NCMAP: variants seen among roughly 807,000 people sequenced by gnomAD.
NCMAP encodes the protein non-compact myelin associated protein, also known as noncompact myelin-associated protein.
A neutral mutation model predicts 7.8 loss-of-function variants in NCMAP; 8 were observed. The observed-to-expected ratio is 1.02, with a 90% CI of 0.60 to 1.84. NCMAP has a LOEUF of 1.84. NCMAP is among the 40% of genes most tolerant of loss of function. The pLI is 0.00. For missense variants in NCMAP, 112 were observed against 131.4 expected (o/e 0.85, Z 0.72); for synonymous variants, 41 against 52.9 (o/e 0.78, Z 0.98).
intron 2 of NCMAP, among the ~76,000 whole-genome samples, chr1:24,595,991 A>C (rs1652212575): frequency 6.6e-6 from 1 of 152,048 alleles, no homozygotes; most frequent in Non-Finnish European, 1.5e-5. Context: ...GATTATTTTT[A>C]TTACTATTGG....
intron 1 of NCMAP, among the ~76,000 whole-genome samples, chr1:24,579,470 C>T (rs540064032): frequency 9.0e-4 from 137 of 152,196 alleles, no homozygotes; most frequent in Non-Finnish European, 1.8e-3. Context: ...GGTGGTGGCT[C>T]ATGTCTGTGA....
chr1:24,569,480 C>T (rs1161564744), intron 1 of NCMAP, among the ~76,000 whole-genome samples: 1 of 150,276 alleles, frequency 6.7e-6, no homozygotes, highest in African/African-American at 2.5e-5. Flanking sequence ...TGGCATTCTT[C>T]CCTTCCCACC....
intron 2 of NCMAP, among the ~76,000 whole-genome samples, chr1:24,599,173 T>C (rs1037047222): frequency 1.3e-5 from 2 of 148,314 alleles, no homozygotes; most frequent in Non-Finnish European, 3.0e-5. Context: ...CCAGCTACTC[T>C]GGAGACTGAG....
At chr1:24,596,720 A>G (rs1652241683) in intron 2 of NCMAP, among the ~76,000 whole-genome samples, 1 of 152,184 alleles carries the variant, frequency 6.6e-6, no homozygotes, top group African/African-American at 2.4e-5. Flanking sequence ...CGAAGTAGCT[A>G]TTTTTATACT....
chr1:24,603,364 A>T (rs4649003), intron 3 of NCMAP, among the ~76,000 whole-genome samples: 12 of 151,854 alleles, frequency 7.9e-5, no homozygotes, highest in African/African-American at 2.7e-4. Context: ...ACATTAAAAA[A>T]TTATTTAAAA....
chr1:24,562,668 C>T (rs1318569039), intron 1 of NCMAP, among the ~76,000 whole-genome samples: 1 of 152,224 alleles, frequency 6.6e-6, no homozygotes, highest in Non-Finnish European at 1.5e-5. Context: ...CTGCCTGTCA[C>T]TTTGGTGCAG....
chr1:24,565,746 C>T (rs575134631), intron 1 of NCMAP, among the ~76,000 whole-genome samples: 1 of 151,420 alleles, frequency 6.6e-6, no homozygotes, highest in African/African-American at 2.4e-5. Context: ...TACAGGTGCA[C>T]ACCATCATGC....
At chr1:24,557,958 C>A (rs1018213453) in intron 1 of NCMAP, among the ~76,000 whole-genome samples, 1 of 152,186 alleles carries the variant, frequency 6.6e-6, no homozygotes, top group South Asian at 2.1e-4. Context: ...CTCCGTAGCA[C>A]CATGTGGACT....
chr1:24,570,454 C>T (rs897222083), intron 1 of NCMAP, among the ~76,000 whole-genome samples: 1 of 150,746 alleles, frequency 6.6e-6, no homozygotes, highest in African/African-American at 2.5e-5. Flanking sequence ...GTGATTGTGC[C>T]ACTGCACTCC....
chr1:24,569,264 G>A (rs1651320208), intron 1 of NCMAP, among the ~76,000 whole-genome samples: 1 of 151,894 alleles, frequency 6.6e-6, no homozygotes, highest in Admixed American at 6.6e-5. Context: ...AAAGTGCTGG[G>A]ATTACAGGCA....
chr1:24,587,526 C>CT (rs768561596), intron 1 of NCMAP, among the ~76,000 whole-genome samples: 39 of 151,804 alleles, frequency 2.6e-4, no homozygotes, highest in Non-Finnish European at 4.7e-4. Flanking sequence ...CTTTTCTTTT[C>CT]TTTTTTTTAC....
intron 1 of NCMAP, among the ~76,000 whole-genome samples, chr1:24,593,147 C>T (rs1455491141): frequency 6.6e-6 from 1 of 151,358 alleles, no homozygotes; most frequent in Non-Finnish European, 1.5e-5. Context: ...CACTGCACTC[C>T]AGCCTGGGTG....
intron 1 of NCMAP, among the ~76,000 whole-genome samples, chr1:24,589,164 C>A (rs1176474991): frequency 6.6e-6 from 1 of 152,126 alleles, no homozygotes; most frequent in African/African-American, 2.4e-5. Context: ...ACATAAAGCA[C>A]CGAGTGCGGT....
chr1:24,582,146 G>A (rs1651765316), intron 1 of NCMAP, among the ~76,000 whole-genome samples: 3 of 152,050 alleles, frequency 2.0e-5, no homozygotes, highest in South Asian at 4.1e-4. Context: ...CTCCTGATTC[G>A]TTGCTCGTGC....
chr1:24,577,401 GTTTTTTTTTTTTTT>G (rs71577720), intron 1 of NCMAP, among the ~76,000 whole-genome samples: 4 of 39,956 alleles, frequency 1.0e-4, no homozygotes, highest in Non-Finnish European at 1.3e-4. Flanking sequence ...CACTGGCCTT[GTTTTTTTTTTTTTT>G]TTTTTTTTTT....
intron 1 of NCMAP, among the ~76,000 whole-genome samples, chr1:24,578,329 C>T (rs1276032672): frequency 6.6e-6 from 1 of 151,688 alleles, no homozygotes; most frequent in Non-Finnish European, 1.5e-5. Context: ...CTTTGCTGGC[C>T]CTCAGTCTCC....
chr1:24,563,697 A>C (rs1651128403), intron 1 of NCMAP: 1 of 152,296 alleles, frequency 6.6e-6, no homozygotes, highest in Non-Finnish European at 1.5e-5. Flanking sequence ...CAGAAATATA[A>C]TGTTCGGTCC....
At chr1:24,592,788 G>A (rs1481426428) in intron 1 of NCMAP, among the ~76,000 whole-genome samples, 2 of 152,040 alleles carry the variant, frequency 1.3e-5, no homozygotes, top group Non-Finnish European at 2.9e-5. Flanking sequence ...GAGTGGTGGC[G>A]GGCGCCTGTA....
chr1:24,600,487 T>C (rs1055593186), intron 2 of NCMAP, among the ~76,000 whole-genome samples: 3 of 152,184 alleles, frequency 2.0e-5, no homozygotes, highest in African/African-American at 7.2e-5. Context: ...CACGATCACA[T>C]TGGTGAATGT....
Sources: gnomAD v4.1 joint callset for allele counts (sites outside exome capture counted in the v4.1 genomes callset) on GRCh38, gnomAD v4.1.1 for gene constraint, MANE v1.5 for transcripts, NCBI Gene and HGNC (gene_info 2026-07-23, HGNC 2026-07-21) for gene names.